LEPROTL1: variants seen among roughly 807,000 people sequenced by gnomAD.
LEPROTL1 encodes the protein leptin receptor overlapping transcript like 1, also known as leptin receptor overlapping transcript-like 1.
A neutral mutation model predicts 15.4 loss-of-function variants in LEPROTL1; 6 were observed. The observed-to-expected ratio is 0.39, with a 90% CI of 0.21 to 0.77. The LOEUF (loss-of-function observed/expected upper bound fraction) is 0.77, where lower values mean the gene tolerates loss of function less well. LEPROTL1 is among the 30% of genes least tolerant of loss of function. LEPROTL1 has a pLI of 0.41. For missense variants in LEPROTL1, 128 were observed against 158.1 expected (o/e 0.81, Z 1.02); for synonymous variants, 56 against 52.6 (o/e 1.06, Z -0.28).
chr8:30,109,913 G>A (rs2117494522), downstream of LEPROTL1, among the ~76,000 whole-genome samples: 1 of 151,812 alleles, frequency 6.6e-6, no homozygotes, highest in East Asian at 1.9e-4. Flanking sequence ...TGCAAAAGGA[G>A]CACCAGATAA....
At position 30,132,698 on chromosome 8, in the gene LEPROTL1, G is replaced by A. The variant is rs141252348; in HGVS notation, c.394+209G>A. The stretch of plus-strand genomic sequence containing the variant: ...GACCCTTGAACACGAGCCTGAAATC[G>A]CTGGAAGGAGCACAGAGAGCCTCCC... On this transcript the variant is annotated intron_variant, in intron 4 of 4. Coordinates refer to the LEPROTL1 transcript ENST00000442880. 2.4e-5 allele frequency: 37 copies of A among 1,551,618 alleles called. No homozygotes were observed. In the East Asian group the frequency reaches 2.4e-4, roughly 10 times the overall value.
chr8:30,105,522 ATATT>A (rs1802549005), intron 3 of LEPROTL1, among the ~76,000 whole-genome samples: 1 of 148,340 alleles, frequency 6.7e-6, no homozygotes, highest in Non-Finnish European at 1.5e-5. Flanking sequence ...TACTATAAAT[ATATT>A]TATACTGTAT....
At chr8:30,132,250 G>A (rs1247446548) in intron 3 of LEPROTL1, 8 of 1,551,696 alleles carry the variant, frequency 5.2e-6, no homozygotes, top group Non-Finnish European at 6.1e-6. Flanking sequence ...CCACCAGGCA[G>A]AGAAGGCAAA....
chr8:30,125,369 T>C (rs1056974211), intron 3 of LEPROTL1, among the ~76,000 whole-genome samples: 9 of 152,204 alleles, frequency 5.9e-5, no homozygotes, highest in Admixed American at 5.2e-4. Flanking sequence ...AGAGAACTAT[T>C]GTCAACTCTC....
intron 1 of LEPROTL1, among the ~76,000 whole-genome samples, chr8:30,099,987 G>T (rs1241170324): frequency 6.6e-6 from 1 of 152,196 alleles, no homozygotes; most frequent in Non-Finnish European, 1.5e-5. Flanking sequence ...AAAACAAATG[G>T]TAAATTCAGT....
rs71204262 is a variant in LEPROTL1, at chr8:30,097,698, T to TACAC, written c.16+2196_16+2199dup. On this transcript the variant is annotated intron_variant, in intron 1 of 3. Transcript: ENST00000321250. ...AAAAAAAAAAAAATATATATATATA[T>TACAC]ACACACACACACACACACACACACA... Among the ~76,000 whole-genome samples, 521 of 108,360 alleles carry TACAC rather than the reference T, an allele frequency of 4.8e-3. 19 individuals carry two copies. The highest frequency in any genetic ancestry group is 0.025 in the Middle Eastern group (5 of 198). 71.1% of individuals were successfully genotyped at this position (108,360 alleles called of 152,430 possible).
Position 30,106,871 on chromosome 8 carries a change from CTT to C in LEPROTL1, c.*1012_*1013del. On this transcript the variant is annotated 3_prime_UTR_variant, in exon 4 of 4. Coordinates refer to ENST00000321250, the MANE Select transcript of LEPROTL1 (RefSeq NM_015344.3). Reference sequence around the variant, plus strand: ...ATGTTGTATATATTACATAAAATAACTTTTCAAATATAGTTTAATAACACTTA... The same window carrying C: ...ATGTTGTATATATTACATAAAATAACTTCAAATATAGTTTAATAACACTTA... 1 of 983,166 alleles carries C rather than the reference CTT, an allele frequency of 1.0e-6. No individual in the cohort carries two copies. The highest frequency in any genetic ancestry group is 1.2e-6 in the Non-Finnish European group (1 of 827,510). The allele number at this position is 983,166 out of a possible 1,614,324, so 60.9% of individuals were successfully genotyped here. A position where few individuals can be genotyped will look rare whatever the true frequency, so the allele number is the denominator to read the frequency against.
At chr8:30,112,699 A>G (rs1361787613), downstream of LEPROTL1, among the ~76,000 whole-genome samples, 7 of 151,858 alleles carry the variant, frequency 4.6e-5, no homozygotes, top group Admixed American at 4.6e-4. Flanking sequence ...TAGCCGAGTT[A>G]TTTAACCCGT....
intron 3 of LEPROTL1, 110 bp from the exon 4 acceptor site, chr8:30,105,636 A>G: frequency 1.5e-6 from 1 of 686,232 alleles, no homozygotes; most frequent in South Asian, 1.8e-5. Flanking sequence ...TATTGTTACA[A>G]GGCATGCTTC....
Position 30,106,927 on chromosome 8 carries a change from G to T in LEPROTL1, c.*1065G>T. ...GTGTTTACTTACCTGGAAAATAATTGCTATGCCGTACATTCAGAGTGCCCC... is the reference window on the plus strand; with the variant it reads ...GTGTTTACTTACCTGGAAAATAATTTCTATGCCGTACATTCAGAGTGCCCC... On this transcript the variant is annotated 3_prime_UTR_variant, in exon 4 of 4. Coordinates refer to ENST00000321250, the MANE Select transcript of LEPROTL1 (RefSeq NM_015344.3). 1.0e-6 allele frequency: 1 copy of T among 985,320 alleles called. No individual in the cohort carries two copies. Among genetic ancestry groups the T allele is most frequent in the Non-Finnish European group, 1.2e-6 (1 of 829,558 alleles). The allele number at this position is 985,320 out of a possible 1,614,324, so 61.0% of individuals were successfully genotyped here. A position where few individuals can be genotyped will look rare whatever the true frequency, so the allele number is the denominator to read the frequency against.
rs1477804738 is a variant in LEPROTL1 at position 30,105,939 on chromosome 8, T to G, written c.*77T>G. 7.2e-6 allele frequency: 10 copies of G among 1,393,978 alleles called. No individual in the cohort carries two copies. Among genetic ancestry groups the G allele is most frequent in the Non-Finnish European group, 9.4e-7 (1 of 1,063,386 alleles). 86.4% of individuals were successfully genotyped at this position (1,393,978 alleles called of 1,614,324 possible). A position where few individuals can be genotyped will look rare whatever the true frequency, so the allele number is the denominator to read the frequency against. On this transcript the variant is annotated 3_prime_UTR_variant, in exon 4 of 4. Coordinates refer to ENST00000321250, the MANE Select transcript of LEPROTL1 (RefSeq NM_015344.3). ...TTCACGCACACAGGAGATGGGGCAGTTAATGCTGAATGGTATAGCAAGCCT... is the reference window on the plus strand; with the variant it reads ...TTCACGCACACAGGAGATGGGGCAGGTAATGCTGAATGGTATAGCAAGCCT...
chr8:30,134,805 C>G (rs1048146263), intron 4 of LEPROTL1, among the ~76,000 whole-genome samples: 2 of 152,146 alleles, frequency 1.3e-5, no homozygotes, highest in African/African-American at 4.8e-5. Context: ...GCCTCGGCCT[C>G]CCAAAGTGCT....
At chr8:30,109,599 A>G (rs1450968328), downstream of LEPROTL1, among the ~76,000 whole-genome samples, 5 of 152,072 alleles carry the variant, frequency 3.3e-5, no homozygotes, top group Non-Finnish European at 1.5e-5. Context: ...TTTTTCTGGA[A>G]TTGTGTTTTT....
At chr8:30,131,842 A>T in intron 3 of LEPROTL1, 1 of 1,401,592 alleles carries the variant, frequency 7.1e-7, no homozygotes, top group Non-Finnish European at 9.4e-7. Flanking sequence ...TTTAGAAAAA[A>T]TTTTATTATG....
At chr8:30,099,356 G>A (rs1802423868) in intron 1 of LEPROTL1, among the ~76,000 whole-genome samples, 2 of 152,046 alleles carry the variant, frequency 1.3e-5, no homozygotes, top group African/African-American at 4.8e-5. Flanking sequence ...CACTTTGGGA[G>A]GCCAAGGTGG....
chr8:30,125,327 G>A (rs1395904562), intron 3 of LEPROTL1, among the ~76,000 whole-genome samples: 1 of 152,200 alleles, frequency 6.6e-6, no homozygotes, highest in Admixed American at 6.6e-5. Context: ...AAAAGAAAGA[G>A]TCAGAGAAGT....
rs78055949 is a variant in LEPROTL1, at chr8:30,116,381, C to T, written c.279+11895C>T. 5.5e-3 allele frequency among the ~76,000 whole-genome samples: 835 copies of T among 152,196 alleles called. 7 individuals carry two copies. Among genetic ancestry groups the T allele is most frequent in the African/African-American group, 0.019 (792 of 41,520 alleles). On this transcript the variant is annotated intron_variant, in intron 3 of 4. Transcript: ENST00000442880. ...GACAGTTTTTCCATGGACAGGGAGGCGGGGGATGGTTTTGGGATGAAACCG... is the reference window on the plus strand; with the variant it reads ...GACAGTTTTTCCATGGACAGGGAGGTGGGGGATGGTTTTGGGATGAAACCG...
intron 2 of LEPROTL1, 88 bp from the exon 3 acceptor site, chr8:30,104,212 T>C: frequency 5.3e-6 from 4 of 755,528 alleles, no homozygotes; most frequent in South Asian, 6.3e-5. Flanking sequence ...AGTCAAGCGA[T>C]TGAATCTTGA....
chr8:30,097,741 A>G (rs1012594350), intron 1 of LEPROTL1, among the ~76,000 whole-genome samples: 2 of 149,822 alleles, frequency 1.3e-5, no homozygotes, highest in African/African-American at 4.9e-5. Flanking sequence ...TTAGTATTTA[A>G]TGGAGTAGAA....
Sources: gnomAD v4.1 joint callset for allele counts (sites outside exome capture counted in the v4.1 genomes callset) on GRCh38, gnomAD v4.1.1 for gene constraint, MANE v1.5 for transcripts, NCBI Gene and HGNC (gene_info 2026-07-23, HGNC 2026-07-21) for gene names.